The following CCDC171 variants were observed in gnomAD, a reference collection of about 807,000 sequenced individuals.
CCDC171 encodes coiled-coil domain-containing protein 171.
CCDC171 carries 177 observed loss-of-function variants against 168.2 expected under a neutral mutation model. The observed-to-expected ratio is 1.05, with a 90% CI of 0.93 to 1.19. The LOEUF (loss-of-function observed/expected upper bound fraction) is 1.19, where lower values mean the gene tolerates loss of function less well. Among genes scored for constraint, CCDC171 ranks in the 50% most tolerant of loss-of-function variants. The pLI is 0.00. For missense variants in CCDC171, 1,991 were observed against 1,539.0 expected, an observed-to-expected ratio of 1.29 and a Z score of -4.91; for synonymous variants, 687 against 540.8, an observed-to-expected ratio of 1.27 and a Z score of -3.75.
intron 21 of CCDC171, among the ~76,000 whole-genome samples, chr9:15,787,849 A>G (rs2058049047): frequency 6.6e-6 from 1 of 152,102 alleles, no homozygotes; most frequent in African/African-American, 2.4e-5. Context: ...TTCTTTTATT[A>G]TCAGTGGAGT....
chr9:15,686,769 A>C (rs1438223147), intron 10 of CCDC171, among the ~76,000 whole-genome samples: 1 of 152,172 alleles, frequency 6.6e-6, no homozygotes, highest in East Asian at 1.9e-4. Flanking sequence ...TTGAAGCAAA[A>C]CCTGACATAA....
chr9:15,749,704 A>G (rs901896889), intron 18 of CCDC171, among the ~76,000 whole-genome samples: 17 of 152,194 alleles, frequency 1.1e-4, no homozygotes, highest in African/African-American at 3.9e-4. Flanking sequence ...AAACTGAACA[A>G]CCTGCTCCTG....
the CCDC171 span, among the ~76,000 whole-genome samples, chr9:16,089,525 T>C: frequency 2.6e-5 from 4 of 151,642 alleles, no homozygotes; most frequent in African/African-American, 9.6e-5. Context: ...TATGTTTAAG[T>C]CTATAATCTA....
intron 10 of CCDC171, among the ~76,000 whole-genome samples, chr9:15,692,891 C>T (rs2050921093): frequency 6.7e-6 from 1 of 149,772 alleles, no homozygotes; most frequent in South Asian, 2.2e-4. Context: ...AATCCCAGCA[C>T]TTTGGGAGGC....
chr9:15,624,684 T>G (rs1270510941), intron 7 of CCDC171, among the ~76,000 whole-genome samples: 1 of 152,202 alleles, frequency 6.6e-6, no homozygotes, highest in Non-Finnish European at 1.5e-5. Flanking sequence ...GGTGTATATG[T>G]GCCACATTTT....
At chr9:16,092,426 G>T in the CCDC171 span, among the ~76,000 whole-genome samples, 25,060 of 152,080 alleles carry the variant, frequency 0.16, 2,213 homozygotes, top group Non-Finnish European at 0.17. Flanking sequence ...AGATGCGCTG[G>T]TCTGCCTGGG....
chr9:15,641,867 A>T (rs2046635266), intron 7 of CCDC171, among the ~76,000 whole-genome samples: 2 of 152,184 alleles, frequency 1.3e-5, no homozygotes. Context: ...TGTGTTACAT[A>T]CAGAACTGTT....
Position 15,745,497 on chromosome 9 carries a change from A to T in CCDC171, c.2555-18A>T, listed in dbSNP as rs759980043. On this transcript the variant is annotated intron_variant, in intron 17 of 25. Transcript: ENST00000380701. ...AAAGTTTTGTAGAATTTTACAATGG[A>T]TTTTTTCAATTTTATAGAACATCAA... 5 of 1,462,410 alleles carry T rather than the reference A, an allele frequency of 3.4e-6. No individual in the cohort carries two copies. The Admixed American group carries it at 9.7e-5, about 28-fold the overall frequency. 90.6% of individuals were successfully genotyped at this position (1,462,410 alleles called of 1,614,324 possible). A position where few individuals can be genotyped will look rare whatever the true frequency, so the allele number is the denominator to read the frequency against.
At chr9:15,588,162 G>A (rs1238545127) in intron 4 of CCDC171, among the ~76,000 whole-genome samples, 1 of 152,164 alleles carries the variant, frequency 6.6e-6, no homozygotes, top group African/African-American at 2.4e-5. Context: ...TTGAACCTGG[G>A]CGGCAGAGGT....
At chr9:15,618,027 G>A (rs200910994) in intron 6 of CCDC171, among the ~76,000 whole-genome samples, 2 of 152,190 alleles carry the variant, frequency 1.3e-5, no homozygotes, top group Non-Finnish European at 2.9e-5. Flanking sequence ...AGGAGTGCGG[G>A]TGCGCTGTGC....
intron 16 of CCDC171, 129 bp downstream of exon 16, chr9:15,729,927 A>C: frequency 1.6e-6 from 1 of 634,996 alleles, no homozygotes; most frequent in South Asian, 2.5e-5. Flanking sequence ...TTGTTTAGAT[A>C]CACATATATT....
At chr9:15,703,343 C>T (rs185626002) in intron 11 of CCDC171, among the ~76,000 whole-genome samples, 70 of 152,266 alleles carry the variant, frequency 4.6e-4, no homozygotes, top group Non-Finnish European at 8.1e-4. Flanking sequence ...TGGAGTAGCA[C>T]GAATGTGAAC....
intron 9 of CCDC171, among the ~76,000 whole-genome samples, chr9:15,676,063 G>A (rs1041312107): frequency 1.3e-5 from 2 of 152,102 alleles, no homozygotes; most frequent in African/African-American, 2.4e-5. Flanking sequence ...TGGAGGCCTT[G>A]TTCATTTCTT....
At chr9:15,693,946 C>A (rs1191866182) in intron 10 of CCDC171, among the ~76,000 whole-genome samples, 1 of 152,136 alleles carries the variant, frequency 6.6e-6, no homozygotes, top group Non-Finnish European at 1.5e-5. Context: ...CAGGCTTACT[C>A]CTTCTTTAAC....
chr9:15,881,867 G>C (rs1818700608), intron 24 of CCDC171, among the ~76,000 whole-genome samples: 1 of 152,152 alleles, frequency 6.6e-6, no homozygotes, highest in South Asian at 2.1e-4. Context: ...CACTTAGGCT[G>C]GTTCCACATT....
chr9:15,826,866 A>C (rs562998302), intron 21 of CCDC171, among the ~76,000 whole-genome samples: 1 of 152,330 alleles, frequency 6.6e-6, no homozygotes, highest in East Asian at 1.9e-4. Flanking sequence ...TTTTAGATTA[A>C]TTTGTCGTAT....
chr9:16,079,104 C>T, the CCDC171 span, among the ~76,000 whole-genome samples: 2 of 152,162 alleles, frequency 1.3e-5, no homozygotes, highest in Non-Finnish European at 2.9e-5. Context: ...TTATTGCACC[C>T]TAAATTGAAT....
At chr9:15,853,985 G>T (rs1223392686) in intron 23 of CCDC171, among the ~76,000 whole-genome samples, 1 of 149,066 alleles carries the variant, frequency 6.7e-6, no homozygotes, top group Non-Finnish European at 1.5e-5. Context: ...TGAATATGCT[G>T]CTAGGTTTGG....
chr9:15,620,289 T>C (rs1218023870), intron 6 of CCDC171, among the ~76,000 whole-genome samples: 1 of 152,196 alleles, frequency 6.6e-6, no homozygotes, highest in African/African-American at 2.4e-5. Context: ...CTGGAAAGGA[T>C]TTGCCATTCT....
Sources: gnomAD v4.1 joint callset for allele counts (sites outside exome capture counted in the v4.1 genomes callset) on GRCh38, gnomAD v4.1.1 for gene constraint, MANE v1.5 for transcripts, NCBI Gene and HGNC (gene_info 2026-07-23, HGNC 2026-07-21) for gene names.